The following SFT2D2 variants were observed in gnomAD, a reference collection of about 807,000 sequenced individuals.
SFT2D2 encodes vesicle transport protein SFT2B.
Under a neutral mutation model 27.4 loss-of-function variants are expected in SFT2D2, and 21 were observed. The observed-to-expected ratio is 0.77, with a 90% CI of 0.54 to 1.10. The LOEUF (loss-of-function observed/expected upper bound fraction) is 1.10, where lower values mean the gene tolerates loss of function less well. Among genes scored for constraint, SFT2D2 ranks in the 50% least tolerant of loss-of-function variants. SFT2D2 has a pLI of 0.00. For synonymous variants in SFT2D2, 72 were observed against 71.7 expected, an observed-to-expected ratio of 1.00 and a Z score of -0.02; for missense variants, 187 against 194.2, an observed-to-expected ratio of 0.96 and a Z score of 0.22.
intron 7 of SFT2D2, 106 bp from the exon 8 acceptor site, chr1:168,242,395 T>C (rs1431266311): frequency 8.4e-7 from 1 of 1,190,846 alleles, no homozygotes; most frequent in Non-Finnish European, 1.3e-6. Flanking sequence ...GTCTGATCTT[T>C]CAGTCTAGGT....
At chr1:168,235,240 G>A in intron 4 of SFT2D2, 58 bp downstream of exon 4, 1 of 1,520,634 alleles carries the variant, frequency 6.6e-7, no homozygotes, top group South Asian at 1.1e-5. Context: ...CTATTGTATA[G>A]GATGTTTTTC....
chr1:168,242,352 T>C, intron 7 of SFT2D2, 149 bp from the exon 8 acceptor site: 1 of 820,454 alleles, frequency 1.2e-6, no homozygotes, highest in South Asian at 1.5e-5. Flanking sequence ...GTACTACTAA[T>C]AAATGTTGAA....
chr1:168,231,545 C>T lies in SFT2D2; in HGVS notation c.95C>T (p.Thr32Ile), dbSNP rs769720732. 2.9e-5 allele frequency: 47 copies of T among 1,613,398 alleles called. No homozygotes were observed. In the South Asian group the frequency reaches 4.8e-4, roughly 17 times the overall value. The stretch of plus-strand genomic sequence containing the variant: ...GAGGCATCTTCATTAAGCTGGAGTA[C>T]CAGGATAAAAGGCTTCATTGCGTGT... The part of the protein sequence containing the change: ...VVEASSLSWS[T>I]RIKGFIACFA... Residue 32 changes from threonine (T) to isoleucine (I), a missense_variant, in exon 2 of 8, where the codon ACC (threonine) becomes ATC (isoleucine). Coordinates refer to ENST00000271375, the MANE Select transcript of SFT2D2 (RefSeq NM_199344.3).
chr1:168,232,776 G>A (rs1404447922), intron 3 of SFT2D2, among the ~76,000 whole-genome samples: 1 of 152,210 alleles, frequency 6.6e-6, no homozygotes, highest in African/African-American at 2.4e-5. Context: ...TCCCTGCCAG[G>A]CAGACAGACA....
At chr1:168,242,098 C>T (rs1483318700) in intron 7 of SFT2D2, among the ~76,000 whole-genome samples, 3 of 152,192 alleles carry the variant, frequency 2.0e-5, no homozygotes, top group Non-Finnish European at 2.9e-5. Context: ...CTTCTGCTGC[C>T]TGCTTAGAAT....
At position 168,243,919 on chromosome 1, in the gene SFT2D2, T is replaced by G. The variant is rs115155766; in HGVS notation, c.*1379T>G. 2 of 152,556 alleles carry G rather than the reference T, an allele frequency of 1.3e-5. No individual in the cohort carries two copies. The highest frequency in any genetic ancestry group is 4.8e-5 in the African/African-American group (2 of 41,544). The allele number at this position is 152,556 out of a possible 1,614,324, so 9.5% of individuals were successfully genotyped here. On this transcript the variant is annotated 3_prime_UTR_variant, in exon 8 of 8. Transcript: ENST00000271375. ...ACTGTCCCTTGTGTTCCCTTTCAGC[T>G]CCTCCTTGTTGCCTGACTACGATTA...
chr1:168,241,767 G>A (rs58386753), intron 7 of SFT2D2, among the ~76,000 whole-genome samples: 4,881 of 152,188 alleles, frequency 0.032, 110 homozygotes, highest in East Asian at 0.058. Context: ...AAGAAATGCT[G>A]CCCTGGAACC....
In SFT2D2 at chr1:168,252,152, C is replaced by T. The variant is rs1647966366; in HGVS notation, c.*9612C>T. On this transcript the variant is annotated 3_prime_UTR_variant, in exon 8 of 8. Coordinates refer to ENST00000271375, the MANE Select transcript of SFT2D2 (RefSeq NM_199344.3). The stretch of plus-strand genomic sequence containing the variant: ...AAATTGACAAAAAGTATGTCCTTTT[C>T]TAGCAGGAGCAGATAAACTGATAAT... The T allele has an allele frequency of 6.6e-6, 1 of 152,118 alleles. No individual in the cohort carries two copies. The highest frequency in any genetic ancestry group is 1.9e-4 in the East Asian group (1 of 5,202). 9.4% of individuals were successfully genotyped at this position (152,118 alleles called of 1,614,324 possible).
Position 168,231,603 on chromosome 1 carries a change from A to G in SFT2D2, c.150+3A>G, listed in dbSNP as rs374362274. On this transcript the variant is annotated splice_donor_region_variant and intron_variant, in intron 2 of 7. Coordinates refer to ENST00000271375, the MANE Select transcript of SFT2D2 (RefSeq NM_199344.3). ...TAGGAATTCTCTGCTCACTGCTGGT[A>G]AGATTTCCCTTCCTCCTCTGTCTTT... The G allele has an allele frequency of 5.0e-6, 8 of 1,613,040 alleles. No homozygotes were observed. The highest frequency in any genetic ancestry group is 5.9e-6 in the Non-Finnish European group (7 of 1,179,384).
At chr1:168,239,972 G>A (rs190346020) in intron 7 of SFT2D2, among the ~76,000 whole-genome samples, 81 of 151,704 alleles carry the variant, frequency 5.3e-4, no homozygotes, top group African/African-American at 1.8e-3. Context: ...TCAGGAGATC[G>A]AGACCATCCT....
At chr1:168,230,126 CCTT>C (rs938478809) in intron 1 of SFT2D2, among the ~76,000 whole-genome samples, 9 of 152,184 alleles carry the variant, frequency 5.9e-5, no homozygotes, top group Middle Eastern at 3.2e-3. Flanking sequence ...AGCCTCTCAT[CCTT>C]CTTTTCAAGC....
chr1:168,241,444 C>T (rs1252467596), intron 7 of SFT2D2, among the ~76,000 whole-genome samples: 3 of 151,904 alleles, frequency 2.0e-5, no homozygotes, highest in Admixed American at 6.6e-5. Context: ...TGGCCCACCT[C>T]GGCCTCCCAA....
intron 4 of SFT2D2, 113 bp from the exon 5 acceptor site, chr1:168,236,476 C>A: frequency 9.6e-7 from 1 of 1,038,142 alleles, no homozygotes; most frequent in Non-Finnish European, 1.4e-6. Flanking sequence ...GGGTTAACTG[C>A]TTTGAGATGA....
rs977758826 is a variant in SFT2D2, at chr1:168,244,155, T to C, written c.*1615T>C. 2.6e-5 allele frequency: 4 copies of C among 152,224 alleles called. No homozygotes were observed. Among genetic ancestry groups the C allele is most frequent in the African/African-American group, 9.7e-5 (4 of 41,382 alleles). 9.4% of individuals were successfully genotyped at this position (152,224 alleles called of 1,614,324 possible). On this transcript the variant is annotated 3_prime_UTR_variant, in exon 8 of 8. Transcript: ENST00000271375. The stretch of plus-strand genomic sequence containing the variant: ...TGCTGAACCTTTCTTTGTCCTACTG[T>C]GGCTAAGAACTCTGACTGGTTTTTT...
Position 168,252,414 on chromosome 1 carries a change from T to A in SFT2D2, c.*9874T>A, listed in dbSNP as rs546806610. ...TATTTGGGTGAATGTTGTTGCTCTGTGCCTGTTGAATGTCCATGCTACAAG... is the reference window on the plus strand; with the variant it reads ...TATTTGGGTGAATGTTGTTGCTCTGAGCCTGTTGAATGTCCATGCTACAAG... On this transcript the variant is annotated 3_prime_UTR_variant, in exon 8 of 8. Coordinates refer to ENST00000271375, the MANE Select transcript of SFT2D2 (RefSeq NM_199344.3). 1.3e-5 allele frequency: 2 copies of A among 152,386 alleles called. No homozygotes were observed. Among genetic ancestry groups the A allele is most frequent in the East Asian group, 3.9e-4 (2 of 5,190 alleles). 9.4% of individuals were successfully genotyped at this position (152,386 alleles called of 1,614,324 possible).
In SFT2D2 at chr1:168,244,895, A is replaced by G. The variant is rs1354039456; in HGVS notation, c.*2355A>G. The G allele has an allele frequency of 6.6e-6, 1 of 152,194 alleles. No homozygotes were observed. Among genetic ancestry groups the G allele is most frequent in the African/African-American group, 2.4e-5 (1 of 41,438 alleles). The allele number at this position is 152,194 out of a possible 1,614,324, so 9.4% of individuals were successfully genotyped here. ...TTGAACAACCATGCTTTGTTTAAAA[A>G]ATAATCTCAGCAAACTAGGGATACA... is the stretch of plus-strand genomic sequence containing the variant. On this transcript the variant is annotated 3_prime_UTR_variant, in exon 8 of 8. Coordinates refer to ENST00000271375, the MANE Select transcript of SFT2D2 (RefSeq NM_199344.3).
At chr1:168,240,983 A>T (rs1004489984) in intron 7 of SFT2D2, among the ~76,000 whole-genome samples, 16 of 152,160 alleles carry the variant, frequency 1.1e-4, no homozygotes, top group African/African-American at 3.6e-4. Context: ...GACCCTTCTG[A>T]GTATGGGGCC....
rs1041455628 is a variant in SFT2D2, at chr1:168,247,167, T to G, written c.*4627T>G. The G allele has an allele frequency of 7.2e-6, 2 of 278,686 alleles. No individual in the cohort carries two copies. Among genetic ancestry groups the G allele is most frequent in the Non-Finnish European group, 1.5e-5 (2 of 136,702 alleles). 17.3% of individuals were successfully genotyped at this position (278,686 alleles called of 1,614,324 possible). ...CTCAGTGATTATCTTTAAGTTCCAC[T>G]GATCTTTTACATAAATAAACTGCAT... On this transcript the variant is annotated 3_prime_UTR_variant, in exon 8 of 8. Transcript: ENST00000271375.
intron 1 of SFT2D2, among the ~76,000 whole-genome samples, chr1:168,227,717 C>T (rs1176659456): frequency 6.6e-6 from 1 of 152,108 alleles, no homozygotes; most frequent in Non-Finnish European, 1.5e-5. Context: ...AGGTAGCTGA[C>T]CCTCGTTATT....
Sources: gnomAD v4.1 joint callset for allele counts (sites outside exome capture counted in the v4.1 genomes callset) on GRCh38, gnomAD v4.1.1 for gene constraint, MANE v1.5 for transcripts, NCBI Gene and HGNC (gene_info 2026-07-23, HGNC 2026-07-21) for gene names.